ZDHHC17: variants seen among roughly 807,000 people sequenced by gnomAD.
ZDHHC17 encodes palmitoyltransferase ZDHHC17.
Under a neutral mutation model 90.3 loss-of-function variants are expected in ZDHHC17, and 40 were observed. The ratio of observed to expected loss-of-function variants is 0.44; its 90% CI spans 0.34 to 0.58. ZDHHC17 has a LOEUF of 0.58. Ranked by LOEUF, ZDHHC17 falls within the 20% of genes least tolerant of loss-of-function variation. The probability of loss-of-function intolerance (pLI) is 0.01; values close to 1 mark genes in which losing one functional copy is unlikely to be tolerated. For synonymous variants in ZDHHC17, 235 were observed against 252.4 expected, an observed-to-expected ratio of 0.93 and a Z score of 0.65; for missense variants, 614 against 780.8, an observed-to-expected ratio of 0.79 and a Z score of 2.55.
chr12:76,853,065 G>A lies in ZDHHC17; in HGVS notation c.*2080G>A, dbSNP rs1330307536. On this transcript the variant is annotated 3_prime_UTR_variant, in exon 17 of 17. Coordinates refer to ENST00000426126, the MANE Select transcript of ZDHHC17 (RefSeq NM_015336.4). Reference sequence around the variant, plus strand: ...TTTTCAGAGTTTGGCTAAGAATGTTGTTACCATCTTCTTTGTTTGTGGTAC... The same window carrying A: ...TTTTCAGAGTTTGGCTAAGAATGTTATTACCATCTTCTTTGTTTGTGGTAC... 3 of 152,106 alleles carry A rather than the reference G, an allele frequency of 2.0e-5. No homozygotes were observed. Among genetic ancestry groups the A allele is most frequent in the Admixed American group, 2.0e-4 (3 of 15,266 alleles). The allele number at this position is 152,106 out of a possible 1,614,324, so 9.4% of individuals were successfully genotyped here. A position where few individuals can be genotyped will look rare whatever the true frequency, so the allele number is the denominator to read the frequency against.
intron 12 of ZDHHC17, among the ~76,000 whole-genome samples, chr12:76,843,246 A>C (rs1953455861): frequency 6.6e-6 from 1 of 152,116 alleles, no homozygotes; most frequent in African/African-American, 2.4e-5. Context: ...AATGTTAATA[A>C]ATTAAAAACT....
chr12:76,804,849 G>A (rs1039803084), intron 2 of ZDHHC17, among the ~76,000 whole-genome samples: 1 of 152,126 alleles, frequency 6.6e-6, no homozygotes, highest in Non-Finnish European at 1.5e-5. Context: ...GCCTTTCCTC[G>A]TGCCTCTTGG....
intron 3 of ZDHHC17, among the ~76,000 whole-genome samples, chr12:76,808,756 T>C: frequency 6.6e-6 from 1 of 152,120 alleles, no homozygotes; most frequent in East Asian, 1.9e-4. Flanking sequence ...CAAATCTTTG[T>C]AGTTCCTTGA....
intron 2 of ZDHHC17, among the ~76,000 whole-genome samples, chr12:76,803,680 CAG>C (rs1311010248): frequency 1.3e-5 from 2 of 152,148 alleles, no homozygotes; most frequent in Non-Finnish European, 2.9e-5. Context: ...CCACCAAAAC[CAG>C]AGAGATTTGA....
At chr12:76,848,583 A>T (rs1255300612) in intron 15 of ZDHHC17, among the ~76,000 whole-genome samples, 193 bp downstream of exon 15, 2 of 152,130 alleles carry the variant, frequency 1.3e-5, no homozygotes, top group Non-Finnish European at 2.9e-5. Flanking sequence ...GAATTTTAGT[A>T]CTTATCTCAA....
chr12:76,783,682 G>C (rs957189307), intron 1 of ZDHHC17, among the ~76,000 whole-genome samples: 2 of 152,204 alleles, frequency 1.3e-5, no homozygotes, highest in East Asian at 3.9e-4. Flanking sequence ...GTTTCCCAAA[G>C]ATATCAGGTC....
At chr12:76,809,263 G>T (rs1006698447) in intron 4 of ZDHHC17, 143 bp downstream of exon 4, 25 of 532,416 alleles carry the variant, frequency 4.7e-5, no homozygotes, top group East Asian at 3.6e-4. Context: ...ATGTTTTATT[G>T]TGAAATATTA....
At chr12:76,839,744 T>C (rs919881855) in intron 10 of ZDHHC17, among the ~76,000 whole-genome samples, 8 of 152,192 alleles carry the variant, frequency 5.3e-5, no homozygotes, top group East Asian at 1.9e-4. Flanking sequence ...GGTATTTGCC[T>C]CTTAAATTGG....
At chr12:76,797,863 G>A (rs1046792631) in intron 2 of ZDHHC17, among the ~76,000 whole-genome samples, 1 of 151,886 alleles carries the variant, frequency 6.6e-6, no homozygotes, top group Non-Finnish European at 1.5e-5. Context: ...AGAATCGCTT[G>A]AACCCAGGAG....
chr12:76,822,594 G>C (rs1159044290), intron 8 of ZDHHC17, 63 bp downstream of exon 8: 1 of 1,353,756 alleles, frequency 7.4e-7, no homozygotes, highest in East Asian at 2.6e-5. Flanking sequence ...CGCTCTTGTT[G>C]CCCAGGCTGG....
intron 10 of ZDHHC17, among the ~76,000 whole-genome samples, chr12:76,834,389 T>A (rs1251041097): frequency 1.3e-5 from 2 of 152,192 alleles, no homozygotes; most frequent in Non-Finnish European, 2.9e-5. Context: ...TTAATTGAGC[T>A]TCTTTAAACT....
At chr12:76,781,272 G>A (rs1402687402) in intron 1 of ZDHHC17, among the ~76,000 whole-genome samples, 2 of 151,928 alleles carry the variant, frequency 1.3e-5, no homozygotes, top group Non-Finnish European at 2.9e-5. Context: ...AAACTAATAC[G>A]TACTTACCCT....
At chr12:76,795,217 G>GGT (rs71085456) in intron 1 of ZDHHC17, among the ~76,000 whole-genome samples, 29,951 of 148,610 alleles carry the variant, frequency 0.2, 3,201 homozygotes, top group Non-Finnish European at 0.25. Context: ...TTGGTTCATG[G>GGT]GTGTGTGTGT....
intron 8 of ZDHHC17, 134 bp downstream of exon 8, chr12:76,822,665 G>GT (rs1410501031): frequency 1.5e-6 from 1 of 682,576 alleles, no homozygotes; most frequent in Non-Finnish European, 2.5e-6. Context: ...AGTGATTCTT[G>GT]TGCCTCAGCC....
intron 7 of ZDHHC17, among the ~76,000 whole-genome samples, chr12:76,819,870 G>A (rs772262162): frequency 2.0e-5 from 3 of 151,946 alleles, no homozygotes; most frequent in Non-Finnish European, 4.4e-5. Context: ...GTACATGTCT[G>A]TAATCCCAGC....
chr12:76,835,692 G>A (rs906835431), intron 10 of ZDHHC17, among the ~76,000 whole-genome samples: 1 of 151,560 alleles, frequency 6.6e-6, no homozygotes, highest in African/African-American at 2.4e-5. Flanking sequence ...ACTGAATTTT[G>A]TTTTTCTTTC....
rs1952998801 is a variant in ZDHHC17, at chr12:76,809,858, G to GT, written c.543+2dup. On this transcript the variant is annotated splice_donor_variant, in intron 5 of 16. Transcript: ENST00000426126. LOFTEE classifies it high-confidence loss of function. ...TGCTTATCTCATAGCAAAAGGACAG[G>GT]TAAAAAAAATCTCAGTGGTATGGAT... The GT allele has an allele frequency of 1.9e-6, 3 of 1,608,464 alleles. No individual in the cohort carries two copies. The highest frequency in any genetic ancestry group is 2.5e-6 in the Non-Finnish European group (3 of 1,177,206).
At chr12:76,783,034 G>A (rs1322312654) in intron 1 of ZDHHC17, among the ~76,000 whole-genome samples, 3 of 152,298 alleles carry the variant, frequency 2.0e-5, no homozygotes, top group Non-Finnish European at 4.4e-5. Context: ...AATGGCAAGG[G>A]TTGACGTTGA....
intron 7 of ZDHHC17, among the ~76,000 whole-genome samples, chr12:76,821,815 A>T (rs1953165330): frequency 6.6e-6 from 1 of 152,108 alleles, no homozygotes; most frequent in Non-Finnish European, 1.5e-5. Context: ...TTTTCTTAGG[A>T]TTAAAGGGAG....
Sources: allele counts gnomAD v4.1 joint callset (sites outside exome capture counted in the v4.1 genomes callset), GRCh38; gene constraint gnomAD v4.1.1; transcripts MANE v1.5; gene names NCBI Gene and HGNC (gene_info 2026-07-23, HGNC 2026-07-21).